The following MAF variants were observed in gnomAD, a reference collection of about 807,000 sequenced individuals.
MAF encodes transcription factor Maf.
MAF carries 10 observed loss-of-function variants against 22.0 expected under a neutral mutation model. The ratio of observed to expected loss-of-function variants is 0.45; its 90% CI spans 0.28 to 0.77. The LOEUF is 0.77. Ranked by LOEUF, MAF falls within the 30% of genes least tolerant of loss-of-function variation. MAF has a pLI of 0.12. For missense variants in MAF, 544 were observed against 548.4 expected (o/e 0.99, Z 0.08); for synonymous variants, 337 against 255.8 (o/e 1.32, Z -3.03).
chr16:79,416,038 C>T, the MAF span, among the ~76,000 whole-genome samples: 4 of 152,090 alleles, frequency 2.6e-5, no homozygotes, highest in South Asian at 4.2e-4. Context: ...TGGTTGCGCC[C>T]GAGCACAGCA....
the MAF span, among the ~76,000 whole-genome samples, chr16:79,378,129 T>C: frequency 6.6e-6 from 1 of 152,278 alleles, no homozygotes; most frequent in South Asian, 2.1e-4. Flanking sequence ...AGTATGGCCA[T>C]TTTCACAATA....
chr16:79,246,540 TG>T, the MAF span, among the ~76,000 whole-genome samples: 9 of 101,372 alleles, frequency 8.9e-5, no homozygotes, highest in African/African-American at 2.1e-4. Flanking sequence ...AGGTTTTTTT[TG>T]GGGGGGGTGT....
Position 79,598,813 on chromosome 16 carries a change from C to A in MAF, c.1090G>T (p.Asp364Tyr). The stretch of plus-strand genomic sequence containing the variant: ...AAAAACTCGGGAGAGGACGGGTTGT[C>A]GCTGCTCGAGCCGTTTTCTCGGAAG... ...SGFRENGSSS[D>Y]NPSSPEFFIT... The change falls in exon 1 of 2, where the codon GAC becomes TAC. Residue 364 changes from aspartate to tyrosine, a missense_variant. This residue lies in a region of MAF where 129 missense variants were observed against 113.6 expected (regional missense o/e 1.14). Transcript: ENST00000326043. 6.8e-6 allele frequency: 11 copies of A among 1,613,674 alleles called. No individual in the cohort carries two copies. The highest frequency in any genetic ancestry group is 8.5e-6 in the Non-Finnish European group (10 of 1,179,948).
At chr16:79,428,223 C>G in the MAF span, among the ~76,000 whole-genome samples, 1 of 152,206 alleles carries the variant, frequency 6.6e-6, no homozygotes, top group East Asian at 1.9e-4. Flanking sequence ...CCTCCTCCAC[C>G]TGCAGCTAAA....
the MAF span, among the ~76,000 whole-genome samples, chr16:79,261,331 T>C: frequency 1.4e-5 from 2 of 138,024 alleles, no homozygotes; most frequent in Non-Finnish European, 3.2e-5. Flanking sequence ...TTTTGTAGTT[T>C]TACTAGAGAC....
At chr16:79,451,592 G>C in the MAF span, among the ~76,000 whole-genome samples, 2 of 152,154 alleles carry the variant, frequency 1.3e-5, no homozygotes, top group Non-Finnish European at 2.9e-5. Context: ...ATGCAAATGA[G>C]TTACATGTTC....
At chr16:79,287,062 G>A in the MAF span, among the ~76,000 whole-genome samples, 1 of 151,376 alleles carries the variant, frequency 6.6e-6, no homozygotes, top group Admixed American at 6.6e-5. Context: ...CAGGGAGCAT[G>A]AACACAAACG....
the MAF span, among the ~76,000 whole-genome samples, chr16:79,567,545 A>C: frequency 5.3e-5 from 8 of 152,154 alleles, no homozygotes; most frequent in Admixed American, 1.3e-4. Flanking sequence ...GATATTAGCA[A>C]ACTAGTTTTG....
the MAF span, chr16:79,204,338 G>C: frequency 6.6e-6 from 1 of 152,240 alleles, no homozygotes; most frequent in East Asian, 1.9e-4. Flanking sequence ...GGCACAAATG[G>C]AAGATGGAAC....
chr16:79,310,680 C>A, the MAF span, among the ~76,000 whole-genome samples: 4 of 152,132 alleles, frequency 2.6e-5, no homozygotes, highest in Admixed American at 6.5e-5. Flanking sequence ...TGGGGGCTCG[C>A]CTTGGTGAAT....
chr16:79,514,469 G>A, the MAF span, among the ~76,000 whole-genome samples: 13,046 of 152,202 alleles, frequency 0.086, 1,678 homozygotes, highest in African/African-American at 0.28. Context: ...TCCAAAGGGG[G>A]ACATCCCAAA....
At chr16:79,211,171 A>C in the MAF span, among the ~76,000 whole-genome samples, 3 of 152,110 alleles carry the variant, frequency 2.0e-5, no homozygotes, top group Non-Finnish European at 4.4e-5. Context: ...GATGGACCAC[A>C]ATTAAGAGTG....
chr16:79,596,291 T>C (rs1913520559), intron 1 of MAF: 2 of 1,059,616 alleles, frequency 1.9e-6, no homozygotes, highest in Non-Finnish European at 2.3e-6. Flanking sequence ...TTTACATCTA[T>C]ATTAAATATT....
chr16:79,588,631 T>C (rs1348664072), intron 1 of MAF, among the ~76,000 whole-genome samples: 2 of 152,052 alleles, frequency 1.3e-5, no homozygotes, highest in Non-Finnish European at 2.9e-5. Context: ...CCTGCTAACT[T>C]ATGTATTTTT....
the MAF span, among the ~76,000 whole-genome samples, chr16:79,374,451 AATT>A: frequency 1.3e-5 from 2 of 152,118 alleles, no homozygotes; most frequent in Admixed American, 6.6e-5. Context: ...TTCTCTCCTG[AATT>A]GCGGCAATTG....
the MAF span, among the ~76,000 whole-genome samples, chr16:79,442,375 A>ATTTT: frequency 1.3e-5 from 2 of 151,732 alleles, no homozygotes; most frequent in African/African-American, 4.8e-5. Flanking sequence ...TTATTTATTT[A>ATTTT]TTTATTTTAT....
At chr16:79,344,778 A>T in the MAF span, among the ~76,000 whole-genome samples, 1 of 152,166 alleles carries the variant, frequency 6.6e-6, no homozygotes, top group Non-Finnish European at 1.5e-5. Flanking sequence ...AGAATTTTGC[A>T]TTTTTAACAC....
the MAF span, among the ~76,000 whole-genome samples, chr16:79,390,272 G>A: frequency 1.3e-5 from 2 of 152,060 alleles, no homozygotes; most frequent in Non-Finnish European, 2.9e-5. Flanking sequence ...ATTACTGTCT[G>A]TGGATTATTA....
the MAF span, among the ~76,000 whole-genome samples, chr16:79,491,146 G>T: frequency 2.0e-5 from 3 of 152,178 alleles, no homozygotes; most frequent in African/African-American, 7.2e-5. Flanking sequence ...AGACCCAGCA[G>T]CCTGATATCC....
Sources: gnomAD v4.1 joint callset for allele counts (sites outside exome capture counted in the v4.1 genomes callset) on GRCh38, gnomAD v4.1.1 for gene constraint, gnomAD v4.1.1 regional missense constraint, MANE v1.5 for transcripts, NCBI Gene and HGNC (gene_info 2026-07-23, HGNC 2026-07-21) for gene names.